HHIPL2: variants seen among roughly 807,000 people sequenced by gnomAD.
The protein encoded by HHIPL2 is HHIP-like protein 2.
HHIPL2 carries 61 observed loss-of-function variants against 61.0 expected under a neutral mutation model. That is an observed-to-expected ratio of 1.00 (90% CI 0.81 to 1.24). The LOEUF is 1.24. Ranked by LOEUF, HHIPL2 falls within the 50% of genes most tolerant of loss-of-function variation. The pLI, the probability that HHIPL2 is intolerant of heterozygous loss-of-function variation, is 0.00. For synonymous variants in HHIPL2, 343 were observed against 357.4 expected (o/e 0.96, Z 0.45); for missense variants, 885 against 910.2 (o/e 0.97, Z 0.36).
At chr1:222,524,063 A>C in intron 7 of HHIPL2, 1 of 202,096 alleles carries the variant, frequency 4.9e-6, no homozygotes, top group Non-Finnish European at 1.0e-5. Context: ...TGCCCAGAAC[A>C]TAACAAGAGC....
intron 5 of HHIPL2, among the ~76,000 whole-genome samples, chr1:222,537,565 G>C (rs1352012115): frequency 6.6e-6 from 1 of 151,198 alleles, no homozygotes; most frequent in Non-Finnish European, 1.5e-5. Context: ...CCGGGAGGTG[G>C]AGCTTGCAGT....
intron 7 of HHIPL2, 117 bp from the exon 8 acceptor site, chr1:222,523,811 G>A (rs1404715202): frequency 5.7e-6 from 5 of 883,632 alleles, no homozygotes; most frequent in Non-Finnish European, 9.3e-6. Context: ...CTTATCCATG[G>A]GGATGGGGTA....
intron 7 of HHIPL2, among the ~76,000 whole-genome samples, chr1:222,524,494 T>G (rs891699511): frequency 6.6e-6 from 1 of 152,262 alleles, no homozygotes; most frequent in Admixed American, 6.5e-5. Context: ...TCATTGAGTC[T>G]TCCTAACAAC....
At chr1:222,537,311 A>G (rs985664689) in intron 5 of HHIPL2, among the ~76,000 whole-genome samples, 1 of 151,628 alleles carries the variant, frequency 6.6e-6, no homozygotes, top group Non-Finnish European at 1.5e-5. Flanking sequence ...TACAGCTGAC[A>G]TCATATTGGT....
At chr1:222,542,251 G>A in intron 2 of HHIPL2, 96 bp from the exon 3 acceptor site, 2 of 1,448,504 alleles carry the variant, frequency 1.4e-6, no homozygotes, top group Non-Finnish European at 1.9e-6. Flanking sequence ...AAGCCACCGA[G>A]ATTTGCCAAG....
At chr1:222,535,523 T>C (rs780099854) in intron 5 of HHIPL2, among the ~76,000 whole-genome samples, 1 of 152,206 alleles carries the variant, frequency 6.6e-6, no homozygotes, top group Admixed American at 6.5e-5. Context: ...TGGTCTTCAC[T>C]AAGCCAAGAT....
At chr1:222,538,196 GT>G (rs1252104530) in intron 5 of HHIPL2, among the ~76,000 whole-genome samples, 36 of 2,110 alleles carry the variant, frequency 0.017, no homozygotes, top group East Asian at 0.088. Flanking sequence ...TCTGGCTGGG[GT>G]GTGTGTGTGT....
At chr1:222,534,165 A>G (rs144096403) in intron 5 of HHIPL2, among the ~76,000 whole-genome samples, 1 of 152,360 alleles carries the variant, frequency 6.6e-6, no homozygotes, top group African/African-American at 2.4e-5. Context: ...CACTACTTCC[A>G]AGTAACTTAA....
At position 222,547,874 on chromosome 1, in the gene HHIPL2, G is replaced by A. The variant is rs1659589627; in HGVS notation, c.171C>T (p.His57=). 4 of 1,614,144 alleles carry A rather than the reference G, an allele frequency of 2.5e-6. No individual in the cohort carries two copies. Among genetic ancestry groups the A allele is most frequent in the Non-Finnish European group, 3.4e-6 (4 of 1,180,030 alleles). ...ACTCATAGTCAGAGCAAAACTCAAG[G>A]TGCAGAGGGGGCTGGAAAGGGGGCC... is the stretch of plus-strand genomic sequence containing the variant. ...DYGPPFQPPL[H]LEFCSDYESF... is the part of the protein sequence containing the mutation. The change falls in exon 1 of 9, where the codon CAC becomes CAT. Residue 57 remains histidine, a synonymous_variant. Coordinates refer to ENST00000343410, the MANE Select transcript of HHIPL2 (RefSeq NM_024746.4).
At chr1:222,525,912 T>C (rs1325086305) in intron 7 of HHIPL2, among the ~76,000 whole-genome samples, 1 of 151,876 alleles carries the variant, frequency 6.6e-6, no homozygotes, top group Non-Finnish European at 1.5e-5. Flanking sequence ...GGCACATGAA[T>C]AGCTTGAACC....
rs140887199 is a variant in HHIPL2 at position 222,523,723 on chromosome 1, C to T, written c.1806-29G>A. 4.2e-4 allele frequency: 671 copies of T among 1,608,234 alleles called. No individual in the cohort carries two copies. In the African/African-American group the frequency reaches 7.4e-3, roughly 18 times the overall value. On this transcript the variant is annotated intron_variant, in intron 7 of 8. Transcript: ENST00000343410. ...AAAACACAAACAGAAAGCATGAGGA[C>T]GCAAGACTCTGAAGATGCAACCGGA... is the stretch of plus-strand genomic sequence containing the variant.
rs750254785 is a variant in HHIPL2 at position 222,522,760 on chromosome 1, A to G, written c.2016T>C (p.Pro672=). 15 of 1,614,084 alleles carry G rather than the reference A, an allele frequency of 9.3e-6. 1 individual carries two copies. In the South Asian group the frequency reaches 1.5e-4, roughly 17 times the overall value. ...CTCGCAATGTATTCTTGCTGCTTGT[A>G]GGAGAAGCCAGCTTCTTGGAGGAGC... ...EKGSSKKLAS[P]TSSKNTLRGP... Residue 672 remains proline (P), a synonymous_variant, in exon 9 of 9, where the codon CCT becomes CCC. Coordinates refer to ENST00000343410, the MANE Select transcript of HHIPL2 (RefSeq NM_024746.4).
intron 5 of HHIPL2, among the ~76,000 whole-genome samples, chr1:222,535,467 A>T (rs969547422): frequency 6.6e-6 from 1 of 152,224 alleles, no homozygotes; most frequent in Non-Finnish European, 1.5e-5. Context: ...GGCTTAAAAC[A>T]ACATACACTT....
chr1:222,524,559 G>A (rs1005714013), intron 7 of HHIPL2, among the ~76,000 whole-genome samples: 14 of 152,180 alleles, frequency 9.2e-5, no homozygotes, highest in East Asian at 5.8e-4. Flanking sequence ...ACTGAGGCTC[G>A]CACAGGCTAA....
At chr1:222,532,320 A>G (rs186303096) in intron 5 of HHIPL2, among the ~76,000 whole-genome samples, 1 of 152,314 alleles carries the variant, frequency 6.6e-6, no homozygotes, top group Admixed American at 6.5e-5. Context: ...TGTTCTATAT[A>G]AAAGGAGTTT....
At chr1:222,541,033 C>G (rs1052491527) in intron 3 of HHIPL2, among the ~76,000 whole-genome samples, 1 of 152,118 alleles carries the variant, frequency 6.6e-6, no homozygotes, top group African/African-American at 2.4e-5. Flanking sequence ...GCCATGAGTT[C>G]AAGAACAGCC....
At position 222,540,166 on chromosome 1, in the gene HHIPL2, T is replaced by C. The variant is rs2102619455; in HGVS notation, c.1294A>G (p.Ile432Val). The C allele has an allele frequency of 6.2e-7, 1 of 1,614,262 alleles. No individual in the cohort carries two copies. Among genetic ancestry groups the C allele is most frequent in the Non-Finnish European group, 8.5e-7 (1 of 1,180,044 alleles). The change falls in exon 4 of 9, where the codon ATC becomes GTC. Residue 432 changes from isoleucine to valine, a missense_variant. Ile to Val is a conservative substitution (Grantham distance 29, BLOSUM62 3). Coordinates refer to ENST00000343410, the MANE Select transcript of HHIPL2 (RefSeq NM_024746.4). ...ATCCGGCCTCGGCCCTGGCGCGTGATGGGGTCCCCTCGGTCCACAGCACAA... is the reference window on the plus strand; with the variant it reads ...ATCCGGCCTCGGCCCTGGCGCGTGACGGGGTCCCCTCGGTCCACAGCACAA... ...WRCAVDRGDP[I>V]TRQGRGRIFC...
At chr1:222,538,242 GTGTGTGTA>G (rs1461384813) in intron 5 of HHIPL2, among the ~76,000 whole-genome samples, 3 of 133,752 alleles carry the variant, frequency 2.2e-5, no homozygotes, top group Admixed American at 7.5e-5. Flanking sequence ...GTGTGTGTGT[GTGTGTGTA>G]TGTATGTCAA....
chr1:222,525,778 C>T (rs937475935), intron 7 of HHIPL2, among the ~76,000 whole-genome samples: 3 of 152,008 alleles, frequency 2.0e-5, no homozygotes, highest in African/African-American at 7.2e-5. Context: ...GCAGGTGGAT[C>T]GCTTGAGGCC....
Sources: gnomAD v4.1 joint callset for allele counts (sites outside exome capture counted in the v4.1 genomes callset) on GRCh38, gnomAD v4.1.1 for gene constraint, MANE v1.5 for transcripts, NCBI Gene and HGNC (gene_info 2026-07-23, HGNC 2026-07-21) for gene names.